The following C8orf34 variants were observed in gnomAD, a reference collection of about 807,000 sequenced individuals.
C8orf34 encodes the protein chromosome 8 open reading frame 34, also known as uncharacterized protein C8orf34.
Under a neutral mutation model 68.3 loss-of-function variants are expected in C8orf34, and 65 were observed. The ratio of observed to expected loss-of-function variants is 0.95; its 90% CI spans 0.78 to 1.17. The LOEUF (loss-of-function observed/expected upper bound fraction) is 1.17. Ranked by LOEUF, C8orf34 falls within the 50% of genes most tolerant of loss-of-function variation. The pLI is 0.00. For missense variants in C8orf34, 664 were observed against 655.4 expected (o/e 1.01, Z -0.14); for synonymous variants, 244 against 241.2 (o/e 1.01, Z -0.11).
At chr8:68,404,151 T>C (rs967240992) in intron 1 of C8orf34, among the ~76,000 whole-genome samples, 3 of 152,242 alleles carry the variant, frequency 2.0e-5, no homozygotes, top group African/African-American at 7.2e-5. Flanking sequence ...TTTTCATATG[T>C]TTGTTGGCCG....
chr8:68,582,947 C>T (rs1051674391), intron 7 of C8orf34, among the ~76,000 whole-genome samples: 1 of 152,022 alleles, frequency 6.6e-6, no homozygotes, highest in African/African-American at 2.4e-5. Context: ...GGTTTTGGTG[C>T]CTTCTCCATT....
intron 1 of C8orf34, among the ~76,000 whole-genome samples, chr8:68,347,746 G>C (rs1389166456): frequency 1.3e-5 from 2 of 151,866 alleles, no homozygotes; most frequent in Non-Finnish European, 2.9e-5. Context: ...ACATGTGTTG[G>C]CCACATTTAT....
At chr8:68,421,692 A>C (rs563028508) in intron 1 of C8orf34, among the ~76,000 whole-genome samples, 1 of 152,296 alleles carries the variant, frequency 6.6e-6, no homozygotes, top group Admixed American at 6.5e-5. Flanking sequence ...GGCTCTACAA[A>C]TAGGGCACCA....
intron 10 of C8orf34, among the ~76,000 whole-genome samples, chr8:68,760,342 A>G (rs1822987487): frequency 6.6e-6 from 1 of 152,246 alleles, no homozygotes; most frequent in Non-Finnish European, 1.5e-5. Flanking sequence ...TAGTGTCTTT[A>G]CAACTGAGAA....
intron 1 of C8orf34, chr8:68,331,586 C>T: frequency 1.9e-6 from 1 of 533,516 alleles, no homozygotes; most frequent in Non-Finnish European, 3.4e-6. Context: ...CCAGCCTCAG[C>T]CTGGCAGGGG....
At chr8:68,696,974 C>G (rs1420251479) in intron 8 of C8orf34, among the ~76,000 whole-genome samples, 1 of 151,990 alleles carries the variant, frequency 6.6e-6, no homozygotes, top group African/African-American at 2.4e-5. Context: ...TGTTTCAACT[C>G]TACTCCTATG....
chr8:68,671,961 A>G (rs1442745984), intron 8 of C8orf34, among the ~76,000 whole-genome samples: 3 of 152,166 alleles, frequency 2.0e-5, no homozygotes, highest in African/African-American at 2.4e-5. Flanking sequence ...ATCCTTTTTG[A>G]GTTCTCAGCT....
chr8:68,534,686 G>A (rs551652096), intron 7 of C8orf34: 102 of 985,366 alleles, frequency 1.0e-4, no homozygotes, highest in African/African-American at 6.3e-4. Flanking sequence ...GCTGTTTTGC[G>A]ATTGTGCTCC....
intron 7 of C8orf34, among the ~76,000 whole-genome samples, chr8:68,593,511 A>G (rs554469568): frequency 6.6e-6 from 1 of 151,822 alleles, no homozygotes; most frequent in Non-Finnish European, 1.5e-5. Context: ...TTATTAATAT[A>G]TTTTTCAATC....
chr8:68,660,621 A>G, intron 8 of C8orf34, among the ~76,000 whole-genome samples: 1 of 152,044 alleles, frequency 6.6e-6, no homozygotes, highest in Non-Finnish European at 1.5e-5. Flanking sequence ...CTTTTCTTCC[A>G]TTGTTGCCTG....
At chr8:68,558,478 T>C (rs1816320580) in intron 7 of C8orf34, among the ~76,000 whole-genome samples, 1 of 152,090 alleles carries the variant, frequency 6.6e-6, no homozygotes, top group Non-Finnish European at 1.5e-5. Flanking sequence ...TCTAACTATA[T>C]AGTTTCTTTT....
chr8:68,514,959 A>G (rs918728747), intron 5 of C8orf34, among the ~76,000 whole-genome samples: 1 of 152,174 alleles, frequency 6.6e-6, no homozygotes, highest in African/African-American at 2.4e-5. Context: ...AGCAAACAAA[A>G]TGAACAGGGG....
intron 1 of C8orf34, among the ~76,000 whole-genome samples, chr8:68,429,948 A>G (rs1422483642): frequency 6.6e-6 from 1 of 152,120 alleles, no homozygotes; most frequent in Non-Finnish European, 1.5e-5. Context: ...TTTTCTCATG[A>G]TAAGGGTGAG....
intron 8 of C8orf34, among the ~76,000 whole-genome samples, chr8:68,665,048 TAA>T: frequency 6.6e-6 from 1 of 152,350 alleles, no homozygotes; most frequent in South Asian, 2.1e-4. Flanking sequence ...TTGCAAACGC[TAA>T]TTCTCTTCTC....
chr8:68,645,880 C>T (rs574916066), intron 8 of C8orf34, among the ~76,000 whole-genome samples: 5 of 152,180 alleles, frequency 3.3e-5, no homozygotes, highest in Non-Finnish European at 7.4e-5. Flanking sequence ...TCATGCTACC[C>T]TAAATAGGGC....
intron 12 of C8orf34, among the ~76,000 whole-genome samples, chr8:68,802,122 T>C (rs758319293): frequency 2.0e-5 from 3 of 152,156 alleles, no homozygotes; most frequent in Non-Finnish European, 4.4e-5. Flanking sequence ...TTTTTTGAGA[T>C]GGAGTTTTGC....
At chr8:68,515,655 C>T (rs2129633685) in intron 5 of C8orf34, among the ~76,000 whole-genome samples, 1 of 152,246 alleles carries the variant, frequency 6.6e-6, no homozygotes. Flanking sequence ...TCTCCTTTTA[C>T]ATTATTCATA....
chr8:68,623,024 C>CGTAGTGTG lies in C8orf34; in HGVS notation c.1106-17351_1106-17344dup, dbSNP rs539183577. Among the ~76,000 whole-genome samples, 236 of 152,274 alleles carry CGTAGTGTG rather than the reference C, an allele frequency of 1.5e-3. 2 individuals carry two copies. Among genetic ancestry groups the CGTAGTGTG allele is most frequent in the Non-Finnish European group, 2.9e-3 (194 of 68,022 alleles). ...TGTGTAAGGTAGAGTGAATCAGCAA[C>CGTAGTGTG]GTAGTGTGAACAGGTTATTGTGTTA... On this transcript the variant is annotated intron_variant, in intron 7 of 13. Coordinates refer to ENST00000518698, the MANE Select transcript of C8orf34 (RefSeq NM_052958.4).
rs1339730742 is a variant in C8orf34 at position 68,794,496 on chromosome 8, T to C, written c.1549+6960T>C. ...ATATAAATATAAATATATATATATA[T>C]ATATATATATTTTTTTTTTTTTTTT... On this transcript the variant is annotated intron_variant, in intron 12 of 13. Transcript: ENST00000518698. Among the ~76,000 whole-genome samples the C allele has an allele frequency of 4.2e-4, 37 of 89,020 alleles. 4 individuals are homozygous for C. Among genetic ancestry groups the C allele is most frequent in the African/African-American group, 2.2e-3 (32 of 14,320 alleles). The allele number at this position is 89,020 out of a possible 152,430, so 58.4% of individuals were successfully genotyped here. A position where few individuals can be genotyped will look rare whatever the true frequency, so the allele number is the denominator to read the frequency against.
Sources: gnomAD v4.1 joint callset for allele counts (sites outside exome capture counted in the v4.1 genomes callset) on GRCh38, gnomAD v4.1.1 for gene constraint, MANE v1.5 for transcripts, NCBI Gene and HGNC (gene_info 2026-07-23, HGNC 2026-07-21) for gene names.